The following MCM9 variants were observed in gnomAD, a reference collection of about 807,000 sequenced individuals.
The protein encoded by MCM9 is DNA helicase MCM9.
Under a neutral mutation model 72.8 loss-of-function variants are expected in MCM9, and 55 were observed. The observed-to-expected ratio is 0.76, with a 90% CI of 0.61 to 0.95. MCM9 has a LOEUF of 0.95. Ranked by LOEUF, MCM9 falls within the 40% of genes least tolerant of loss-of-function variation. The probability of loss-of-function intolerance (pLI) is 0.00; values close to 1 mark genes in which losing one functional copy is unlikely to be tolerated. For synonymous variants in MCM9, 480 were observed against 503.4 expected (o/e 0.95, Z 0.62); for missense variants, 1,279 against 1,377.0 (o/e 0.93, Z 1.13).
chr6:118,823,050 A>G (rs913722994), intron 13 of MCM9, among the ~76,000 whole-genome samples: 11 of 152,102 alleles, frequency 7.2e-5, no homozygotes, highest in African/African-American at 2.4e-4. Flanking sequence ...GCTAGACTCC[A>G]TGGGAGTGGG....
intron 8 of MCM9, among the ~76,000 whole-genome samples, chr6:118,894,963 G>C (rs1562427162): frequency 6.6e-6 from 1 of 152,148 alleles, no homozygotes; most frequent in Non-Finnish European, 1.5e-5. Flanking sequence ...ATCTTACCCC[G>C]AGTCGAGAAT....
At chr6:118,825,136 G>T (rs2114536049) in intron 13 of MCM9, among the ~76,000 whole-genome samples, 1 of 152,218 alleles carries the variant, frequency 6.6e-6, no homozygotes, top group East Asian at 1.9e-4. Context: ...CTCTCCAAAA[G>T]CAAAGCCAAG....
intron 1 of MCM9, among the ~76,000 whole-genome samples, chr6:118,933,983 A>AAAAAAAAAAC (rs1782680794): frequency 6.6e-6 from 1 of 150,968 alleles, no homozygotes; most frequent in Non-Finnish European, 1.5e-5. Flanking sequence ...AAAAAAAAAA[A>AAAAAAAAAAC]TCTGGACTCC....
intron 8 of MCM9, among the ~76,000 whole-genome samples, chr6:118,873,042 C>A (rs1046460705): frequency 2.6e-5 from 4 of 151,630 alleles, no homozygotes; most frequent in Non-Finnish European, 5.9e-5. Flanking sequence ...TATGGTGGCA[C>A]ACACCTGTAG....
chr6:118,822,510 C>A (rs371238480), intron 13 of MCM9, among the ~76,000 whole-genome samples: 306 of 152,282 alleles, frequency 2.0e-3, no homozygotes, highest in South Asian at 0.013. Flanking sequence ...CAGAGGGGCA[C>A]CAGCCTGATG....
intron 6 of MCM9, among the ~76,000 whole-genome samples, chr6:118,916,357 C>T (rs1780945724): frequency 6.8e-6 from 1 of 148,092 alleles, no homozygotes; most frequent in Non-Finnish European, 1.5e-5. Context: ...TATACATTTA[C>T]ACACACACAC....
intron 9 of MCM9, among the ~76,000 whole-genome samples, chr6:118,849,455 A>G (rs1434080260): frequency 6.7e-6 from 1 of 150,200 alleles, no homozygotes; most frequent in Non-Finnish European, 1.5e-5. Context: ...GTGTGTGTGT[A>G]TAATATATAT....
chr6:118,891,537 T>C (rs1217357395), intron 8 of MCM9, among the ~76,000 whole-genome samples: 1 of 152,112 alleles, frequency 6.6e-6, no homozygotes, highest in Non-Finnish European at 1.5e-5. Flanking sequence ...AATGGCCACC[T>C]TTTTGCTGTG....
Position 118,890,821 on chromosome 6 carries a change from T to A in MCM9, c.1150+20829A>T, listed in dbSNP as rs576607312. On this transcript the variant is annotated intron_variant, in intron 8 of 13. Coordinates refer to ENST00000619706, the MANE Select transcript of MCM9 (RefSeq NM_017696.3). The stretch of plus-strand genomic sequence containing the variant: ...CCTCTTAAACTAACTAAAGACCATA[T>A]TAAAACAAGCCTTACATGAGGAATT... Among the ~76,000 whole-genome samples the A allele has an allele frequency of 2.6e-5, 4 of 152,308 alleles. No homozygotes were observed. In the East Asian group the frequency reaches 5.8e-4, roughly 22 times the overall value.
chr6:118,916,561 T>C (rs1389960158), intron 6 of MCM9, among the ~76,000 whole-genome samples: 1 of 151,374 alleles, frequency 6.6e-6, no homozygotes, highest in Non-Finnish European at 1.5e-5. Context: ...CGGGCTCAAG[T>C]GATTCTCCTG....
chr6:118,840,166 G>GT (rs74206391), intron 9 of MCM9, among the ~76,000 whole-genome samples: 3 of 77,680 alleles, frequency 3.9e-5, no homozygotes, highest in Non-Finnish European at 2.8e-5. Context: ...AGATTTTTAT[G>GT]TTATTTTTTT....
chr6:118,822,420 C>A (rs1170722900), intron 13 of MCM9, among the ~76,000 whole-genome samples: 2 of 152,172 alleles, frequency 1.3e-5, no homozygotes, highest in East Asian at 3.9e-4. Context: ...ACTCCAGACC[C>A]TGTTTGCCTG....
At position 118,897,841 on chromosome 6, in the gene MCM9, C is replaced by A. The variant is rs189332710; in HGVS notation, c.1150+13809G>T. Among the ~76,000 whole-genome samples, 1,145 of 150,908 alleles carry A rather than the reference C, an allele frequency of 7.6e-3. 8 individuals are homozygous for A. Among genetic ancestry groups the A allele is most frequent in the South Asian group, 0.028 (135 of 4,770 alleles). On this transcript the variant is annotated intron_variant, in intron 8 of 13. Transcript: ENST00000619706. ...AAAGCTGGGTTAAAAAAAAAAACAA[C>A]AAAAAAACTGATGCCAATGTATAAA...
intron 8 of MCM9, among the ~76,000 whole-genome samples, chr6:118,898,361 G>A (rs1432407272): frequency 1.3e-5 from 2 of 151,954 alleles, no homozygotes; most frequent in African/African-American, 4.8e-5. Context: ...TTAGGATCAA[G>A]GGCATTATAT....
At chr6:118,850,367 T>C (rs1321833305) in intron 9 of MCM9, among the ~76,000 whole-genome samples, 2 of 151,860 alleles carry the variant, frequency 1.3e-5, no homozygotes, top group African/African-American at 2.4e-5. Context: ...TTTATATACA[T>C]ATGAAATAAA....
intron 8 of MCM9, among the ~76,000 whole-genome samples, chr6:118,881,285 A>G (rs1003518929): frequency 1.3e-5 from 2 of 152,042 alleles, no homozygotes; most frequent in African/African-American, 4.8e-5. Context: ...CACCTTTTTC[A>G]ATCCTGACTC....
chr6:118,828,443 T>G (rs898871055), intron 10 of MCM9, among the ~76,000 whole-genome samples: 12 of 152,050 alleles, frequency 7.9e-5, no homozygotes, highest in Non-Finnish European at 1.6e-4. Flanking sequence ...TGGAGCGCAG[T>G]AGCACGATCT....
chr6:118,868,786 G>A (rs1777388150), intron 8 of MCM9, among the ~76,000 whole-genome samples: 1 of 152,188 alleles, frequency 6.6e-6, no homozygotes, highest in Non-Finnish European at 1.5e-5. Flanking sequence ...GAGAGGATGT[G>A]GAGAAATAGG....
At position 118,841,592 on chromosome 6, in the gene MCM9, A is replaced by G. The variant is rs570965207; in HGVS notation, c.1326-12342T>C. Reference sequence around the variant, plus strand: ...GGTCCCACTTTACAGATTCTAATTAAGTAGGCTTGCACCAGAAAACTGATG... The same window carrying G: ...GGTCCCACTTTACAGATTCTAATTAGGTAGGCTTGCACCAGAAAACTGATG... On this transcript the variant is annotated intron_variant, in intron 9 of 13. Transcript: ENST00000619706. Among the ~76,000 whole-genome samples the G allele has an allele frequency of 8.5e-5, 13 of 152,332 alleles. No homozygotes were observed. The East Asian group carries it at 1.2e-3, about 14-fold the overall frequency.
Sources: allele counts gnomAD v4.1 joint callset (sites outside exome capture counted in the v4.1 genomes callset), GRCh38; gene constraint gnomAD v4.1.1; transcripts MANE v1.5; gene names NCBI Gene and HGNC (gene_info 2026-07-23, HGNC 2026-07-21).